DMXL1: variants seen among roughly 807,000 people sequenced by gnomAD.
DMXL1 encodes Dmx like 1, also known as dmX-like protein 1.
In DMXL1, 99 loss-of-function variants were observed where a neutral mutation model predicts 319.2. The observed-to-expected ratio is 0.31, with a 90% CI of 0.26 to 0.37. The LOEUF (loss-of-function observed/expected upper bound fraction) is 0.37, where lower values mean the gene tolerates loss of function less well. Among genes scored for constraint, DMXL1 ranks in the 10% least tolerant of loss-of-function variants. The probability of loss-of-function intolerance (pLI) is 1.00; values close to 1 mark genes in which losing one functional copy is unlikely to be tolerated. For missense variants in DMXL1, 3,745 were observed against 3,595.6 expected, an observed-to-expected ratio of 1.04 and a Z score of -1.06; for synonymous variants, 1,385 against 1,235.2, an observed-to-expected ratio of 1.12 and a Z score of -2.54.
chr5:119,147,167 T>C (rs1768750397), intron 16 of DMXL1, 82 bp from the exon 17 acceptor site: 1 of 1,276,424 alleles, frequency 7.8e-7, no homozygotes, highest in Non-Finnish European at 1.1e-6. Context: ...TACAAGGCAG[T>C]TTTGGATTGT....
At chr5:119,089,293 T>TATATATATATATATATATATA (rs70982466) in intron 1 of DMXL1, among the ~76,000 whole-genome samples, 3 of 25,340 alleles carry the variant, frequency 1.2e-4, no homozygotes, top group East Asian at 5.3e-3. Context: ...TATATATATA[T>TATATATATATATATATATATA]TTTTTTTTTT....
chr5:119,090,819 C>G (rs1454351545), intron 1 of DMXL1, among the ~76,000 whole-genome samples: 4 of 151,880 alleles, frequency 2.6e-5, no homozygotes, highest in African/African-American at 9.7e-5. Context: ...CCCGCCTTGG[C>G]CTCCCAAAGT....
chr5:119,206,792 C>T, intron 33 of DMXL1, 42 bp from the exon 34 acceptor site: 1 of 1,247,602 alleles, frequency 8.0e-7, no homozygotes. Flanking sequence ...TGTTACATCT[C>T]ATCTTTACTC....
At chr5:119,125,711 C>A (rs968662788) in intron 9 of DMXL1, among the ~76,000 whole-genome samples, 1 of 152,004 alleles carries the variant, frequency 6.6e-6, no homozygotes, top group Non-Finnish European at 1.5e-5. Flanking sequence ...ACTACAGACG[C>A]CCGCCACCAC....
intron 34 of DMXL1, among the ~76,000 whole-genome samples, chr5:119,212,519 T>C (rs907676843): frequency 1.3e-5 from 2 of 152,248 alleles, no homozygotes; most frequent in African/African-American, 4.8e-5. Context: ...AACATTGATA[T>C]ACAAATATCT....
At position 119,171,800 on chromosome 5, in the gene DMXL1, C is replaced by T. The variant is rs1409501522; in HGVS notation, c.6512C>T (p.Ser2171Phe). ...AAGGAAACATCAGAACCACTATTTTCTAGCCCTCTGTCAGAGCAAACCTCA... is the reference window on the plus strand; with the variant it reads ...AAGGAAACATCAGAACCACTATTTTTTAGCCCTCTGTCAGAGCAAACCTCA... ...SQQETSEPLF[S>F]SPLSEQTSVP... The change falls in exon 25 of 44, where the codon TCT (serine) becomes TTT (phenylalanine). Residue 2171 changes from serine (S) to phenylalanine (F), a missense_variant. Ser to Phe is a radical substitution (Grantham distance 155, BLOSUM62 -2). Transcript: ENST00000539542. 6.2e-7 allele frequency: 1 copy of T among 1,612,154 alleles called. No homozygotes were observed. Among genetic ancestry groups the T allele is most frequent in the Admixed American group, 1.7e-5 (1 of 59,686 alleles).
chr5:119,193,372 C>A (rs1169930727), intron 29 of DMXL1, among the ~76,000 whole-genome samples: 3 of 152,090 alleles, frequency 2.0e-5, no homozygotes, highest in African/African-American at 7.2e-5. Context: ...GCTTTTCTTC[C>A]CTCTTATTAT....
intron 17 of DMXL1, among the ~76,000 whole-genome samples, chr5:119,148,212 C>T (rs1769005289): frequency 6.6e-6 from 1 of 151,956 alleles, no homozygotes; most frequent in African/African-American, 2.4e-5. Flanking sequence ...TGTAAAGTGA[C>T]CATTCAGTAC....
At chr5:119,151,583 A>G (rs947908867) in intron 18 of DMXL1, among the ~76,000 whole-genome samples, 2 of 152,160 alleles carry the variant, frequency 1.3e-5, no homozygotes, top group Admixed American at 1.3e-4. Context: ...GGGTGGATGT[A>G]TGATTCGAAC....
Position 119,246,630 on chromosome 5 carries a change from C to CT in DMXL1, c.8923-345dup, listed in dbSNP as rs11284492. On this transcript the variant is annotated intron_variant, in intron 43 of 43. Coordinates refer to ENST00000539542, the MANE Select transcript of DMXL1 (RefSeq NM_001290321.3). The stretch of plus-strand genomic sequence containing the variant: ...TTTTTATTTGGTTTCTTTTCTTTTC[C>CT]TTTTTTTTTTTTTTTTTTTTGAGAT... 4.6e-3 allele frequency among the ~76,000 whole-genome samples: 321 copies of CT among 70,356 alleles called. 6 individuals are homozygous for CT. The highest frequency in any genetic ancestry group is 0.014 in the African/African-American group (297 of 20,956). 46.2% of individuals were successfully genotyped at this position (70,356 alleles called of 152,430 possible).
rs185366322 is a variant in DMXL1, at chr5:119,225,268, G to A, written c.8338+499G>A. On this transcript the variant is annotated intron_variant, in intron 38 of 43. Transcript: ENST00000539542. Reference sequence around the variant, plus strand: ...ATGAGACACATTAATAGTAAACATAGGAAATTATTATTAGTTTTTATATTC... The same window carrying A: ...ATGAGACACATTAATAGTAAACATAAGAAATTATTATTAGTTTTTATATTC... 3.3e-5 allele frequency among the ~76,000 whole-genome samples: 5 copies of A among 151,840 alleles called. No homozygotes were observed. The East Asian group carries it at 9.7e-4, about 29-fold the overall frequency.
At chr5:119,150,494 A>G (rs1769531151) in intron 18 of DMXL1, 73 bp downstream of exon 18, 1 of 1,464,118 alleles carries the variant, frequency 6.8e-7, no homozygotes, top group South Asian at 1.5e-5. Context: ...ATTTTTATTA[A>G]AATGATGCCA....
rs1342982453 is a variant in DMXL1 at position 119,247,401 on chromosome 5, AT to A, written c.*184del. 5.8e-6 allele frequency: 3 copies of A among 519,988 alleles called. No individual in the cohort carries two copies. The highest frequency in any genetic ancestry group is 3.2e-5 in the Admixed American group (1 of 30,944). The allele number at this position is 519,988 out of a possible 1,614,324, so 32.2% of individuals were successfully genotyped here. A position where few individuals can be genotyped will look rare whatever the true frequency, so the allele number is the denominator to read the frequency against. On this transcript the variant is annotated 3_prime_UTR_variant, in exon 44 of 44. Coordinates refer to ENST00000539542, the MANE Select transcript of DMXL1 (RefSeq NM_001290321.3). Reference sequence around the variant, plus strand: ...AATTAACAAGGTCATTCAGAAGTAGATTACATTGCCTAAAGTAGAATGTGTA... The same window carrying A: ...AATTAACAAGGTCATTCAGAAGTAGATACATTGCCTAAAGTAGAATGTGTA...
intron 28 of DMXL1, among the ~76,000 whole-genome samples, chr5:119,180,005 G>A (rs1776505966): frequency 6.6e-6 from 1 of 152,134 alleles, no homozygotes; most frequent in Non-Finnish European, 1.5e-5. Context: ...TAGCACAAAG[G>A]CAGCCATAGA....
chr5:119,084,804 T>C (rs1580599212), intron 1 of DMXL1, among the ~76,000 whole-genome samples: 1 of 147,280 alleles, frequency 6.8e-6, no homozygotes, highest in Non-Finnish European at 1.5e-5. Flanking sequence ...GTGGAGGTTG[T>C]GGTGAGCCAA....
intron 9 of DMXL1, among the ~76,000 whole-genome samples, chr5:119,122,928 G>C (rs1035995341): frequency 6.6e-6 from 1 of 152,182 alleles, no homozygotes; most frequent in East Asian, 1.9e-4. Flanking sequence ...CTGCAATCTC[G>C]GCACTTTGGG....
Position 119,197,865 on chromosome 5 carries a change from A to G in DMXL1, c.7654A>G (p.Ile2552Val). Residue 2552 changes from isoleucine to valine, a missense_variant, in exon 32 of 44, where the codon ATC becomes GTC. This residue lies in a region of DMXL1 where 1,382 missense variants were observed against 1,269.5 expected (regional missense o/e 1.09). Coordinates refer to ENST00000539542, the MANE Select transcript of DMXL1 (RefSeq NM_001290321.3). ...EIHGGPPQNY[I>V]ASHTAEESLS... ...CCATGGTGGGCCACCTCAAAATTAT[A>G]TCGCAAGTCATACCGCCGAAGAGAG... 1.9e-6 allele frequency: 3 copies of G among 1,614,178 alleles called. No individual in the cohort carries two copies. Among genetic ancestry groups the G allele is most frequent in the Non-Finnish European group, 2.5e-6 (3 of 1,180,022 alleles).
At chr5:119,199,036 A>G (rs1212357288) in intron 32 of DMXL1, among the ~76,000 whole-genome samples, 3 of 152,000 alleles carry the variant, frequency 2.0e-5, no homozygotes, top group Admixed American at 6.6e-5. Flanking sequence ...ACAGGCACAC[A>G]CCACCATGCC....
chr5:119,099,175 G>T lies in DMXL1; in HGVS notation c.213+1071G>T, dbSNP rs867292423. ...ATTATGGAATGCTGGAAATCTTTGG[G>T]TTTTTTTTTTGTTTTTTGTTTGTTT... On this transcript the variant is annotated intron_variant, in intron 2 of 43. Transcript: ENST00000539542. Among the ~76,000 whole-genome samples, 134 of 129,140 alleles carry T rather than the reference G, an allele frequency of 1.0e-3. 1 individual carries two copies. The highest frequency in any genetic ancestry group is 7.1e-3 in the Middle Eastern group (2 of 282). The allele number at this position is 129,140 out of a possible 152,430, so 84.7% of individuals were successfully genotyped here.
Sources: allele counts gnomAD v4.1 joint callset (sites outside exome capture counted in the v4.1 genomes callset), GRCh38; gene constraint gnomAD v4.1.1; regional missense constraint gnomAD v4.1.1; transcripts MANE v1.5; gene names NCBI Gene and HGNC (gene_info 2026-07-23, HGNC 2026-07-21).